SPATA1: variants seen among roughly 807,000 people sequenced by gnomAD.
SPATA1 encodes spermatogenesis-associated protein 1.
In SPATA1, 57 loss-of-function variants were observed where a neutral mutation model predicts 59.6. That is an observed-to-expected ratio of 0.96 (90% confidence interval 0.77 to 1.19). The LOEUF is 1.19. Ranked by LOEUF, SPATA1 falls within the 50% of genes most tolerant of loss-of-function variation. SPATA1 has a pLI of 0.00. For synonymous variants in SPATA1, 147 were observed against 163.9 expected (o/e 0.90, Z 0.79); for missense variants, 448 against 480.7 (o/e 0.93, Z 0.64).
chr1:84,534,905 C>T (rs1360354581), intron 8 of SPATA1, among the ~76,000 whole-genome samples: 1 of 152,070 alleles, frequency 6.6e-6, no homozygotes, highest in Non-Finnish European at 1.5e-5. Context: ...TTTCTTGGTC[C>T]ATTACTATTC....
At chr1:84,526,114 T>C (rs1683212776) in intron 6 of SPATA1, 41 bp downstream of exon 6, 2 of 1,512,602 alleles carry the variant, frequency 1.3e-6, no homozygotes, top group African/African-American at 1.4e-5. Flanking sequence ...GAGGCTATTA[T>C]AGTACATTTT....
intron 6 of SPATA1, among the ~76,000 whole-genome samples, chr1:84,526,616 A>C (rs937692324): frequency 7.2e-5 from 11 of 152,050 alleles, no homozygotes; most frequent in African/African-American, 2.7e-4. Context: ...TATCTGTAAT[A>C]AGCATTTTAG....
chr1:84,562,795 T>C (rs1387152100), intron 4 of SPATA1, among the ~76,000 whole-genome samples: 1 of 152,146 alleles, frequency 6.6e-6, no homozygotes, highest in Non-Finnish European at 1.5e-5. Flanking sequence ...AAATTGAAAA[T>C]GATAGTTTTT....
At chr1:84,512,130 C>T (rs1029781275) in intron 1 of SPATA1, among the ~76,000 whole-genome samples, 7 of 152,162 alleles carry the variant, frequency 4.6e-5, no homozygotes, top group Non-Finnish European at 1.0e-4. Context: ...ATAGACTTCA[C>T]GCCTTGGTGA....
At chr1:84,549,020 T>A in intron 11 of SPATA1, 56 bp downstream of exon 11, 1 of 1,442,616 alleles carries the variant, frequency 6.9e-7, no homozygotes, top group Non-Finnish European at 9.2e-7. Flanking sequence ...AACACATGCT[T>A]TATAAGTGCT....
rs1683339624 is a variant in SPATA1, at chr1:84,528,801, A to G, written c.544+2728A>G. Among the ~76,000 whole-genome samples the G allele has an allele frequency of 3.3e-5, 5 of 152,224 alleles. No individual in the cohort carries two copies. The South Asian group carries it at 1.0e-3, about 32-fold the overall frequency. On this transcript the variant is annotated intron_variant, in intron 6 of 12. Transcript: ENST00000490879. ...TGTGTTTTCCAAAGCGGTAGTACCCAGCAGCAATGTCTAGAAGTTCCTGTT... is the reference window on the plus strand; with the variant it reads ...TGTGTTTTCCAAAGCGGTAGTACCCGGCAGCAATGTCTAGAAGTTCCTGTT...
exon 2 of SPATA1, chr1:84,516,324 C>G: frequency 1.3e-6 from 2 of 1,493,386 alleles, no homozygotes; most frequent in Non-Finnish European, 1.8e-6. Flanking sequence ...AAACAAAATT[C>G]CAATTGATAA....
intron 1 of SPATA1, among the ~76,000 whole-genome samples, chr1:84,513,842 A>ATTTTTTTTTTTTTT (rs60377217): frequency 8.8e-5 from 11 of 125,050 alleles, no homozygotes; most frequent in African/African-American, 2.6e-4. Context: ...TCTATATTCT[A>ATTTTTTTTTTTTTT]TTTTTTTTTT....
intron 11 of SPATA1, chr1:84,549,981 C>T (rs1684221531): frequency 6.6e-6 from 1 of 151,544 alleles, no homozygotes; most frequent in African/African-American, 2.4e-5. Context: ...TTAGCGAGGA[C>T]CACTATAACT....
intron 1 of SPATA1, among the ~76,000 whole-genome samples, chr1:84,507,732 T>C (rs1042734058): frequency 6.6e-6 from 1 of 152,212 alleles, no homozygotes; most frequent in African/African-American, 2.4e-5. Context: ...AATATATCAC[T>C]GAACTCTTAG....
intron 6 of SPATA1, among the ~76,000 whole-genome samples, chr1:84,527,911 A>G (rs1470544255): frequency 1.3e-5 from 2 of 152,212 alleles, no homozygotes; most frequent in Middle Eastern, 3.4e-3. Flanking sequence ...TTGTATTTTT[A>G]GTAGAGGCAG....
In SPATA1 at chr1:84,525,165, C is replaced by T. The variant is rs1341086301; in HGVS notation, c.262-531C>T. On this transcript the variant is annotated intron_variant, in intron 4 of 12. Coordinates refer to ENST00000490879, the Ensembl canonical transcript of SPATA1. ...TATTTTTAGTAGAGATGGGGTTTCA[C>T]CATGTTGGCCAGGCTGGCCTCGAAC... is the stretch of plus-strand genomic sequence containing the variant. Among the ~76,000 whole-genome samples, 5 of 152,164 alleles carry T rather than the reference C, an allele frequency of 3.3e-5. No homozygotes were observed. In the East Asian group the frequency reaches 5.8e-4, roughly 18 times the overall value.
At chr1:84,551,519 C>A (rs911790573) in intron 12 of SPATA1, 1 of 157,066 alleles carries the variant, frequency 6.4e-6, no homozygotes, top group Non-Finnish European at 1.4e-5. Context: ...GTTTGTGTGA[C>A]TGAGGAACTG....
chr1:84,551,256 C>G (rs1331396299), intron 12 of SPATA1: 2 of 984,260 alleles, frequency 2.0e-6, no homozygotes, highest in South Asian at 4.7e-5. Flanking sequence ...ATTTCTTTAT[C>G]AGAAACAGCT....
chr1:84,557,416 C>G (rs1472855855), downstream of SPATA1, among the ~76,000 whole-genome samples: 1 of 151,462 alleles, frequency 6.6e-6, no homozygotes, highest in Non-Finnish European at 1.5e-5. Context: ...GCCTGTAATC[C>G]CAGCTACTCA....
chr1:84,533,768 T>C lies in SPATA1; in HGVS notation c.717+2T>C. On this transcript the variant is annotated splice_donor_variant, in intron 8 of 12. Coordinates refer to ENST00000490879, the Ensembl canonical transcript of SPATA1. LOFTEE classifies it high-confidence loss of function. ...ATCAGTAGAAGACAGGACAATCAGG[T>C]ACTATTTAAAATTTTTTGTTTAAAC... The C allele has an allele frequency of 1.3e-6, 2 of 1,549,634 alleles. No homozygotes were observed. Among genetic ancestry groups the C allele is most frequent in the Non-Finnish European group, 1.7e-6 (2 of 1,145,214 alleles).
chr1:84,531,972 C>T (rs1054750761), intron 6 of SPATA1, among the ~76,000 whole-genome samples: 2 of 152,044 alleles, frequency 1.3e-5, no homozygotes, highest in Admixed American at 6.5e-5. Flanking sequence ...CTGCCAGGTT[C>T]GTGTATCTTT....
At chr1:84,510,296 C>T (rs1446069498) in intron 1 of SPATA1, among the ~76,000 whole-genome samples, 1 of 152,090 alleles carries the variant, frequency 6.6e-6, no homozygotes, top group East Asian at 1.9e-4. Flanking sequence ...ATATAAGGAG[C>T]TCAACTATAT....
downstream of SPATA1, chr1:84,555,181 G>C (rs1323148480): frequency 2.5e-6 from 4 of 1,613,248 alleles, no homozygotes; most frequent in Non-Finnish European, 3.4e-6. Flanking sequence ...CATACTTGAT[G>C]AAAGTGGCCA....
Sources: allele counts gnomAD v4.1 joint callset (sites outside exome capture counted in the v4.1 genomes callset), GRCh38; gene constraint gnomAD v4.1.1; transcripts MANE v1.5; gene names NCBI Gene and HGNC (gene_info 2026-07-23, HGNC 2026-07-21).